MCM9: variants seen among roughly 807,000 people sequenced by gnomAD.
The protein encoded by MCM9 is DNA helicase MCM9.
A neutral mutation model predicts 72.8 loss-of-function variants in MCM9; 55 were observed. The observed-to-expected ratio is 0.76, with a 90% CI of 0.61 to 0.95. The LOEUF (loss-of-function observed/expected upper bound fraction) is 0.95, where lower values mean the gene tolerates loss of function less well. Among genes scored for constraint, MCM9 ranks in the 40% least tolerant of loss-of-function variants. MCM9 has a pLI of 0.00. For missense variants in MCM9, 1,279 were observed against 1,377.0 expected, an observed-to-expected ratio of 0.93 and a Z score of 1.13; for synonymous variants, 480 against 503.4, an observed-to-expected ratio of 0.95 and a Z score of 0.62.
intron 8 of MCM9, among the ~76,000 whole-genome samples, chr6:118,860,978 T>C (rs1354109671): frequency 6.6e-6 from 1 of 152,194 alleles, no homozygotes; most frequent in Non-Finnish European, 1.5e-5. Flanking sequence ...GTTCCACCCA[T>C]TCAGCCCAGC....
intron 13 of MCM9, among the ~76,000 whole-genome samples, chr6:118,822,222 C>A (rs951456927): frequency 6.6e-6 from 1 of 152,180 alleles, no homozygotes; most frequent in Non-Finnish European, 1.5e-5. Context: ...GAATTTTCAG[C>A]ATTTTTGTGC....
In MCM9 at chr6:118,856,468, G is replaced by A. The variant is rs1260957926; in HGVS notation, c.1228C>T (p.Leu410Phe). The A allele has an allele frequency of 6.5e-7, 1 of 1,535,626 alleles. No individual in the cohort carries two copies. Among genetic ancestry groups the A allele is most frequent in the South Asian group, 1.2e-5 (1 of 84,058 alleles). The change falls in exon 9 of 14, where the codon CTT becomes TTT. Residue 410 changes from leucine (L) to phenylalanine (F), a missense_variant. Leu to Phe is a conservative substitution (Grantham distance 22, BLOSUM62 0). Transcript: ENST00000619706. ...CTATTGAACTCATCAATACAGCAAA[G>A]GCCCGCATCTGCAAGAACTAATGCC... ...AGALVLADAG[L>F]CCIDEFNSLK...
rs1387690137 is a variant in MCM9, at chr6:118,842,457, T to A, written c.1326-13207A>T. Among the ~76,000 whole-genome samples, 8 of 152,224 alleles carry A rather than the reference T, an allele frequency of 5.3e-5. No homozygotes were observed. The East Asian group carries it at 1.5e-3, about 29-fold the overall frequency. Reference sequence around the variant, plus strand: ...TACACACTGTCATGTGGCACTGTGCTGCCATTCACTAGGCACAGGCACTGA... The same window carrying A: ...TACACACTGTCATGTGGCACTGTGCAGCCATTCACTAGGCACAGGCACTGA... On this transcript the variant is annotated intron_variant, in intron 9 of 13. Coordinates refer to ENST00000619706, the MANE Select transcript of MCM9 (RefSeq NM_017696.3).
At position 118,894,504 on chromosome 6, in the gene MCM9, A is replaced by C. The variant is rs1372221734; in HGVS notation, c.1150+17146T>G. ...CCAGTTCGAGATCACCTTCGAGTGC[A>C]TCGAGGACCTGTCTGAAGGTGAGTG... On this transcript the variant is annotated intron_variant, in intron 8 of 13. Coordinates refer to ENST00000619706, the MANE Select transcript of MCM9 (RefSeq NM_017696.3). The C allele has an allele frequency of 4.6e-6, 7 of 1,537,024 alleles. No homozygotes were observed. In the African/African-American group the frequency reaches 5.5e-5, roughly 12 times the overall value.
rs981854483 is a variant in MCM9 at position 118,902,420 on chromosome 6, T to C, written c.1150+9230A>G. ...TATTCTCTTAACTTCTTGAAATTGT[T>C]ATATAAAAAAGCAGGACTTGCTCTG... is the stretch of plus-strand genomic sequence containing the variant. On this transcript the variant is annotated intron_variant, in intron 8 of 13. Transcript: ENST00000619706. 3.9e-5 allele frequency among the ~76,000 whole-genome samples: 6 copies of C among 152,250 alleles called. No individual in the cohort carries two copies. In the East Asian group the frequency reaches 7.7e-4, roughly 20 times the overall value.
chr6:118,826,559 T>C (rs1182141313), intron 12 of MCM9, among the ~76,000 whole-genome samples: 2 of 152,192 alleles, frequency 1.3e-5, no homozygotes, highest in Non-Finnish European at 2.9e-5. Flanking sequence ...CGAAGCGCAC[T>C]ACTTTACATC....
At chr6:118,832,044 G>T (rs1000782673) in intron 9 of MCM9, among the ~76,000 whole-genome samples, 1 of 151,998 alleles carries the variant, frequency 6.6e-6, no homozygotes. Context: ...TGGGATTTTC[G>T]GCATCAACTT....
At chr6:118,905,585 T>G in intron 8 of MCM9, 1 of 1,338,900 alleles carries the variant, frequency 7.5e-7, no homozygotes, top group Non-Finnish European at 1.0e-6. Context: ...TAACTGAAAC[T>G]CCAGTCTTGC....
chr6:118,826,727 A>G lies in MCM9; in HGVS notation c.1815+55T>C, dbSNP rs149489105. The G allele has an allele frequency of 5.2e-5, 68 of 1,320,212 alleles. 1 individual carries two copies. The African/African-American group carries it at 8.4e-4, about 16-fold the overall frequency. 81.8% of individuals were successfully genotyped at this position (1,320,212 alleles called of 1,614,324 possible). A position where few individuals can be genotyped will look rare whatever the true frequency, so the allele number is the denominator to read the frequency against. On this transcript the variant is annotated intron_variant, in intron 12 of 13. Coordinates refer to ENST00000619706, the MANE Select transcript of MCM9 (RefSeq NM_017696.3). Reference sequence around the variant, plus strand: ...ATATGTTAATAAAGTGTCCTTTTTTAAAAAAAAGAAAGTTTGTAATTAGGA... The same window carrying G: ...ATATGTTAATAAAGTGTCCTTTTTTGAAAAAAAGAAAGTTTGTAATTAGGA...
At chr6:118,857,128 T>A (rs1234501251) in intron 8 of MCM9, among the ~76,000 whole-genome samples, 1 of 152,168 alleles carries the variant, frequency 6.6e-6, no homozygotes, top group Non-Finnish European at 1.5e-5. Context: ...GGTCCTCTGG[T>A]CGAGTGGTCT....
At chr6:118,873,782 C>T (rs963826532) in intron 8 of MCM9, among the ~76,000 whole-genome samples, 1 of 152,124 alleles carries the variant, frequency 6.6e-6, no homozygotes, top group Non-Finnish European at 1.5e-5. Context: ...TTGTATGAGG[C>T]CAACATTACC....
intron 9 of MCM9, among the ~76,000 whole-genome samples, chr6:118,836,559 CTGGTTT>C (rs1397656924): frequency 6.6e-6 from 1 of 152,152 alleles, no homozygotes; most frequent in African/African-American, 2.4e-5. Flanking sequence ...CGACTTCTTC[CTGGTTT>C]AGTCTTGGGA....
chr6:118,914,616 C>T (rs1046299774), intron 6 of MCM9, among the ~76,000 whole-genome samples: 10 of 152,064 alleles, frequency 6.6e-5, no homozygotes, highest in African/African-American at 2.2e-4. Context: ...GAGAAAAGGT[C>T]AGGAATCCAA....
At chr6:118,877,935 A>AG (rs1391608300) in intron 8 of MCM9, among the ~76,000 whole-genome samples, 26 of 152,294 alleles carry the variant, frequency 1.7e-4, no homozygotes, top group African/African-American at 6.3e-4. Flanking sequence ...GGCTGAGATG[A>AG]GGGATCACTT....
At position 118,851,021 on chromosome 6, in the gene MCM9, A is replaced by G. The variant is rs1776189271; in HGVS notation, c.1325+5350T>C. ...TTTGTATCGAGATGGGGGTCTTGCC[A>G]TCTTGCTCAGTCTGGTCTTGAACTC... On this transcript the variant is annotated intron_variant, in intron 9 of 13. Transcript: ENST00000619706. Among the ~76,000 whole-genome samples the G allele has an allele frequency of 3.3e-5, 5 of 151,582 alleles. No homozygotes were observed. The South Asian group carries it at 1.0e-3, about 32-fold the overall frequency.
At chr6:118,854,829 T>G (rs1331226504) in intron 9 of MCM9, among the ~76,000 whole-genome samples, 1 of 152,262 alleles carries the variant, frequency 6.6e-6, no homozygotes, top group Non-Finnish European at 1.5e-5. Flanking sequence ...CACCAACCTT[T>G]CATTTCTGGG....
At position 118,876,491 on chromosome 6, in the gene MCM9, A is replaced by G. The variant is rs1466615097; in HGVS notation, c.1151-19946T>C. ...TGTATGCATGGCAGGGAGGGAGAAT[A>G]TAGGAACTATAGTTTCTGTTCAGCT... is the stretch of plus-strand genomic sequence containing the variant. On this transcript the variant is annotated intron_variant, in intron 8 of 13. Transcript: ENST00000619706. 2.0e-5 allele frequency among the ~76,000 whole-genome samples: 3 copies of G among 152,316 alleles called. No individual in the cohort carries two copies. In the South Asian group the frequency reaches 6.2e-4, roughly 32 times the overall value.
At chr6:118,821,273 T>C (rs1773790907) in intron 13 of MCM9, among the ~76,000 whole-genome samples, 1 of 152,194 alleles carries the variant, frequency 6.6e-6, no homozygotes, top group Non-Finnish European at 1.5e-5. Context: ...AGTTTTTCCT[T>C]TCCATATTTA....
At chr6:118,927,554 G>A (rs1429717215) in intron 3 of MCM9, among the ~76,000 whole-genome samples, 2 of 151,678 alleles carry the variant, frequency 1.3e-5, no homozygotes, top group Non-Finnish European at 2.9e-5. Context: ...GCAGTGAGCC[G>A]AGATCGTGCC....
Sources: allele counts gnomAD v4.1 joint callset (sites outside exome capture counted in the v4.1 genomes callset), GRCh38; gene constraint gnomAD v4.1.1; transcripts MANE v1.5; gene names NCBI Gene and HGNC (gene_info 2026-07-23, HGNC 2026-07-21).